Variants in SCRG1 observed in about 807,000 individuals in gnomAD.
SCRG1 encodes the protein stimulator of chondrogenesis 1, also known as scrapie-responsive protein 1.
SCRG1 carries 3 observed loss-of-function variants against 7.7 expected under a neutral mutation model. That is an observed-to-expected ratio of 0.39 (90% confidence interval 0.18 to 1.01). SCRG1 has a LOEUF of 1.01. SCRG1 is among the 50% of genes least tolerant of loss of function. The probability of loss-of-function intolerance (pLI) is 0.36; values close to 1 mark genes in which losing one functional copy is unlikely to be tolerated. For missense variants in SCRG1, 110 were observed against 117.2 expected (o/e 0.94, Z 0.28); for synonymous variants, 46 against 41.2 (o/e 1.12, Z -0.44).
chr4:173,475,239 C>A, the SCRG1 span, among the ~76,000 whole-genome samples: 2 of 152,210 alleles, frequency 1.3e-5, no homozygotes, highest in Admixed American at 6.5e-5. Context: ...GGGTTCTAAC[C>A]AGGCAGCTTG....
At chr4:173,439,041 T>C in the SCRG1 span, among the ~76,000 whole-genome samples, 1 of 152,042 alleles carries the variant, frequency 6.6e-6, no homozygotes, top group Admixed American at 6.6e-5. Context: ...GCTGTCCTCT[T>C]ATGAGCCTCC....
At chr4:173,502,601 G>C in the SCRG1 span, among the ~76,000 whole-genome samples, 9 of 152,158 alleles carry the variant, frequency 5.9e-5, no homozygotes, top group African/African-American at 2.2e-4. The surrounding 1 kb of genome is among the most constrained non-coding windows in gnomAD (Gnocchi z 4.6). Flanking sequence ...CCTGGGAGGA[G>C]TCCTGGTGGC....
the SCRG1 span, among the ~76,000 whole-genome samples, chr4:173,491,447 ACTC>A: frequency 1.3e-5 from 2 of 151,930 alleles, no homozygotes; most frequent in Non-Finnish European, 2.9e-5. Flanking sequence ...GGGAATGTGT[ACTC>A]CTCCTGCAGA....
the SCRG1 span, among the ~76,000 whole-genome samples, chr4:173,450,681 ACT>A: frequency 6.6e-6 from 1 of 152,094 alleles, no homozygotes; most frequent in African/African-American, 2.4e-5. Context: ...ATTCTCTCAG[ACT>A]CTCAGATAGG....
the SCRG1 span, among the ~76,000 whole-genome samples, chr4:173,459,401 A>G: frequency 6.6e-6 from 1 of 152,260 alleles, no homozygotes; most frequent in South Asian, 2.1e-4. Context: ...AATTAAAATC[A>G]TATCAAGTAT....
chr4:173,455,849 T>C, the SCRG1 span, among the ~76,000 whole-genome samples: 1 of 152,102 alleles, frequency 6.6e-6, no homozygotes, highest in Non-Finnish European at 1.5e-5. Context: ...CCACGTCACC[T>C]TGGGAGCAGT....
chr4:173,436,680 G>A, the SCRG1 span, among the ~76,000 whole-genome samples: 1 of 152,118 alleles, frequency 6.6e-6, no homozygotes, highest in Non-Finnish European at 1.5e-5. Context: ...ATGTGGGATG[G>A]GTAAATTGGA....
the SCRG1 span, among the ~76,000 whole-genome samples, chr4:173,519,035 G>A: frequency 6.6e-6 from 1 of 151,758 alleles, no homozygotes; most frequent in Admixed American, 6.6e-5. Flanking sequence ...TGTGAGCTAG[G>A]CGAACAGGAA....
the SCRG1 span, among the ~76,000 whole-genome samples, chr4:173,434,623 G>C: frequency 6.6e-6 from 1 of 152,172 alleles, no homozygotes; most frequent in Non-Finnish European, 1.5e-5. Context: ...CTGAGGTCAG[G>C]AGTTCGATAC....
At chr4:173,417,822 G>C in the SCRG1 span, among the ~76,000 whole-genome samples, 1 of 152,000 alleles carries the variant, frequency 6.6e-6, no homozygotes, top group African/African-American at 2.4e-5. Context: ...TTCCGCAGAT[G>C]AACAAAGTAA....
chr4:173,448,058 C>T, the SCRG1 span, among the ~76,000 whole-genome samples: 15 of 152,254 alleles, frequency 9.9e-5, no homozygotes, highest in East Asian at 7.7e-4. Context: ...GAGCCAAGAT[C>T]GTGCCACTGC....
At chr4:173,456,792 C>T in the SCRG1 span, among the ~76,000 whole-genome samples, 1 of 152,148 alleles carries the variant, frequency 6.6e-6, no homozygotes, top group African/African-American at 2.4e-5. Flanking sequence ...AAAAGTTGCT[C>T]TGCTCCAAAG....
chr4:173,484,936 TTATATATTATATATAATATTA>T, the SCRG1 span, among the ~76,000 whole-genome samples: 1 of 33,272 alleles, frequency 3.0e-5, no homozygotes, highest in African/African-American at 1.1e-4. Flanking sequence ...ATATATTATA[TTATATATTATATATAATATTA>T]TATATATTAT....
the SCRG1 span, among the ~76,000 whole-genome samples, chr4:173,484,415 ATATATAT>A: frequency 1.4e-5 from 1 of 71,404 alleles, no homozygotes; most frequent in Non-Finnish European, 2.4e-5. Context: ...TATACATATA[ATATATAT>A]TATATATTAT....
At chr4:173,498,755 T>C in the SCRG1 span, among the ~76,000 whole-genome samples, 1,443 of 152,324 alleles carry the variant, frequency 9.5e-3, 28 homozygotes, top group African/African-American at 0.033. Context: ...TGTGTGTGTA[T>C]GTATAGATGC....
chr4:173,391,205 G>A lies in SCRG1; in HGVS notation c.210C>T (p.Tyr70=), dbSNP rs571881895. 6.2e-6 allele frequency: 10 copies of A among 1,614,070 alleles called. No homozygotes were observed. The highest frequency in any genetic ancestry group is 5.0e-5 in the Admixed American group (3 of 60,006). The change falls in exon 2 of 3, where the codon TAC becomes TAT. Residue 70 remains tyrosine, a synonymous_variant. Coordinates refer to ENST00000296506, the MANE Select transcript of SCRG1 (RefSeq NM_007281.4). ...AGCAGAGCAATTCGCTGAAGTTGCA[G>A]TAACAGATCATCTCACATCCCTTCC... is the stretch of plus-strand genomic sequence containing the variant. ...WDGKGCEMIC[Y]CNFSELLCCP...
intron 1 of SCRG1, chr4:173,398,208 T>C (rs1452092237): frequency 6.6e-6 from 1 of 152,172 alleles, no homozygotes; most frequent in East Asian, 1.9e-4. Context: ...AAAAAGTGAA[T>C]AAGCTGCTTA....
At chr4:173,413,518 G>A in the SCRG1 span, among the ~76,000 whole-genome samples, 1 of 152,200 alleles carries the variant, frequency 6.6e-6, no homozygotes, top group African/African-American at 2.4e-5. Context: ...TTCCATCAGA[G>A]GAGCTAATAA....
chr4:173,516,709 T>C, the SCRG1 span, among the ~76,000 whole-genome samples: 1 of 152,208 alleles, frequency 6.6e-6, no homozygotes, highest in Non-Finnish European at 1.5e-5. Flanking sequence ...AAAGGCTTTT[T>C]GACCCCTGTG....
Sources: allele counts gnomAD v4.1 joint callset (sites outside exome capture counted in the v4.1 genomes callset), GRCh38; gene constraint gnomAD v4.1.1; non-coding constraint Gnocchi (gnomAD v3.1); transcripts MANE v1.5; gene names NCBI Gene and HGNC (gene_info 2026-07-23, HGNC 2026-07-21).